Variants in ZBTB38 observed in about 807,000 individuals in gnomAD.
The protein encoded by ZBTB38 is zinc finger and BTB domain-containing protein 38.
In ZBTB38, 20 loss-of-function variants were observed where a neutral mutation model predicts 76.8. The ratio of observed to expected loss-of-function variants is 0.26; its 90% CI spans 0.18 to 0.38. The LOEUF (loss-of-function observed/expected upper bound fraction) is 0.38, where lower values mean the gene tolerates loss of function less well. Ranked by LOEUF, ZBTB38 falls within the 10% of genes least tolerant of loss-of-function variation. The pLI, the probability that ZBTB38 is intolerant of heterozygous loss-of-function variation, is 1.00. For missense variants in ZBTB38, 1,082 were observed against 1,482.3 expected, an observed-to-expected ratio of 0.73 and a Z score of 4.43; for synonymous variants, 504 against 544.2, an observed-to-expected ratio of 0.93 and a Z score of 1.03.
chr3:141,342,840 G>T (rs1036428491), intron 1 of ZBTB38, among the ~76,000 whole-genome samples: 3 of 151,658 alleles, frequency 2.0e-5, no homozygotes, highest in African/African-American at 7.3e-5. Flanking sequence ...AATGATTCAG[G>T]GAGGGAGAGA....
upstream of ZBTB38, chr3:141,368,398 C>T (rs1944067375): frequency 6.6e-6 from 1 of 152,194 alleles, no homozygotes; most frequent in African/African-American, 2.4e-5. Context: ...CTTTTGTCCC[C>T]TTCCGAGTGG....
chr3:141,426,164 T>A (rs2076339425), intron 5 of ZBTB38: 2 of 1,289,274 alleles, frequency 1.6e-6, no homozygotes, highest in Non-Finnish European at 2.0e-6. Flanking sequence ...GCAGGAGACA[T>A]GGTAAGCTGT....
intron 1 of ZBTB38, among the ~76,000 whole-genome samples, chr3:141,343,374 G>T (rs749124947): frequency 6.6e-6 from 1 of 152,110 alleles, no homozygotes; most frequent in Non-Finnish European, 1.5e-5. Context: ...ATCATTTGGG[G>T]ACTTCCAAGC....
intron 1 of ZBTB38, among the ~76,000 whole-genome samples, chr3:141,336,919 A>G (rs1943030427): frequency 6.6e-6 from 1 of 152,240 alleles, no homozygotes; most frequent in African/African-American, 2.4e-5. Context: ...AGGGAAAAGT[A>G]AATTCCTTCA....
chr3:141,406,333 AAG>A (rs1312423355), intron 5 of ZBTB38, among the ~76,000 whole-genome samples: 2 of 152,168 alleles, frequency 1.3e-5, no homozygotes, highest in Admixed American at 6.5e-5. Context: ...ACCAAGGAAA[AAG>A]AGGGGCAGAA....
intron 5 of ZBTB38, among the ~76,000 whole-genome samples, chr3:141,429,640 G>A (rs959849484): frequency 2.0e-5 from 3 of 152,194 alleles, no homozygotes; most frequent in African/African-American, 4.8e-5. Context: ...AGCAGGCAAC[G>A]ACGGGTGATA....
In ZBTB38 at chr3:141,409,106, C is replaced by A. The variant is rs899835273; in HGVS notation, c.-1+5075C>A. 3.9e-5 allele frequency among the ~76,000 whole-genome samples: 6 copies of A among 152,128 alleles called. No homozygotes were observed. In the South Asian group the frequency reaches 1.2e-3, roughly 32 times the overall value. On this transcript the variant is annotated intron_variant, in intron 5 of 5. Coordinates refer to ENST00000321464, the MANE Select transcript of ZBTB38 (RefSeq NM_001376113.1). ...TGTTGCCCAGGCTGGAGTGCAGTGGCGCTATCTCAGCTCACTGCAACCTTT... is the reference window on the plus strand; with the variant it reads ...TGTTGCCCAGGCTGGAGTGCAGTGGAGCTATCTCAGCTCACTGCAACCTTT...
intron 5 of ZBTB38, among the ~76,000 whole-genome samples, chr3:141,436,045 T>C (rs2078705879): frequency 6.6e-6 from 1 of 152,214 alleles, no homozygotes; most frequent in Non-Finnish European, 1.5e-5. Flanking sequence ...TTCTAACTTA[T>C]ATTTCTTTTT....
chr3:141,435,569 G>A (rs1213518643), intron 5 of ZBTB38, among the ~76,000 whole-genome samples: 1 of 152,020 alleles, frequency 6.6e-6, no homozygotes, highest in Non-Finnish European at 1.5e-5. Context: ...AGACGAGCCT[G>A]GCCAACATGG....
chr3:141,345,935 T>C (rs1943339680), intron 1 of ZBTB38, among the ~76,000 whole-genome samples: 1 of 152,092 alleles, frequency 6.6e-6, no homozygotes, highest in East Asian at 1.9e-4. Flanking sequence ...GAATGTCTGC[T>C]CAGAAGGGTA....
intron 1 of ZBTB38, among the ~76,000 whole-genome samples, chr3:141,346,782 T>TTGTTTTGTGTG (rs1553760843): frequency 6.9e-6 from 1 of 144,562 alleles, no homozygotes; most frequent in Non-Finnish European, 1.5e-5. Flanking sequence ...TTGTTTTGTT[T>TTGTTTTGTGTG]TGTGTGTGTG....
rs187486048 is a variant in ZBTB38 at position 141,432,435 on chromosome 3, A to T, written c.1-9954A>T. On this transcript the variant is annotated intron_variant, in intron 5 of 5. Transcript: ENST00000321464. ...GGCCTTTTCCTCTGATTAGAAGATT[A>T]AAAAAAATGGGGTTCAGTCTGGCCC... Among the ~76,000 whole-genome samples the T allele has an allele frequency of 3.7e-3, 569 of 152,118 alleles. 3 individuals carry two copies. Among genetic ancestry groups the T allele is most frequent in the Middle Eastern group, 0.014 (4 of 294 alleles).
chr3:141,355,629 C>G (rs1175686187), intron 1 of ZBTB38, among the ~76,000 whole-genome samples: 1 of 152,124 alleles, frequency 6.6e-6, no homozygotes, highest in Non-Finnish European at 1.5e-5. Flanking sequence ...TAGCTCCCAC[C>G]TGAGTTCACA....
At chr3:141,334,892 T>G (rs1204739411) in intron 1 of ZBTB38, among the ~76,000 whole-genome samples, 4 of 152,216 alleles carry the variant, frequency 2.6e-5, no homozygotes, top group Non-Finnish European at 5.9e-5. Flanking sequence ...GGAAGGCTAA[T>G]CTTTCAGATC....
In ZBTB38 at chr3:141,442,370, T is replaced by C. The variant is rs761911461; in HGVS notation, c.1-19T>C. The C allele has an allele frequency of 1.9e-6, 3 of 1,577,728 alleles. No individual in the cohort carries two copies. Among genetic ancestry groups the C allele is most frequent in the South Asian group, 1.1e-5 (1 of 88,886 alleles). On this transcript the variant is annotated intron_variant, in intron 5 of 5. Transcript: ENST00000321464. This position sits in a 1 kb window ranked among gnomAD's most constrained non-coding sequence, Gnocchi z 6.4. Reference sequence around the variant, plus strand: ...CACCTGTGGAAGATTATCTGACCATTTCTCTCCTCTTGTTTCAGATGACAG... The same window carrying C: ...CACCTGTGGAAGATTATCTGACCATCTCTCTCCTCTTGTTTCAGATGACAG...
chr3:141,415,228 T>G (rs1034155014), intron 5 of ZBTB38, among the ~76,000 whole-genome samples: 12 of 152,184 alleles, frequency 7.9e-5, no homozygotes, highest in African/African-American at 2.9e-4. Flanking sequence ...GAATCTGTCC[T>G]GTTTACGTCA....
chr3:141,429,487 G>A (rs767503502), intron 5 of ZBTB38, among the ~76,000 whole-genome samples: 1 of 152,128 alleles, frequency 6.6e-6, no homozygotes, highest in Non-Finnish European at 1.5e-5. Flanking sequence ...CAAATGCATG[G>A]TCATGTCACT....
At chr3:141,436,601 G>A (rs1318366874) in intron 5 of ZBTB38, among the ~76,000 whole-genome samples, 1 of 152,066 alleles carries the variant, frequency 6.6e-6, no homozygotes, top group African/African-American at 2.4e-5. Context: ...AGGTTCAAGC[G>A]ATTCTCCTTC....
intron 1 of ZBTB38, among the ~76,000 whole-genome samples, chr3:141,324,822 A>C (rs1038595463): frequency 6.6e-6 from 1 of 152,226 alleles, no homozygotes; most frequent in Admixed American, 6.5e-5. Context: ...AATTGGGTAT[A>C]TTATCCCTGC....
Sources: gnomAD v4.1 joint callset for allele counts (sites outside exome capture counted in the v4.1 genomes callset) on GRCh38, gnomAD v4.1.1 for gene constraint, Gnocchi (gnomAD v3.1) non-coding constraint, MANE v1.5 for transcripts, NCBI Gene and HGNC (gene_info 2026-07-23, HGNC 2026-07-21) for gene names.